ADAM18: variants seen among roughly 807,000 people sequenced by gnomAD.
The protein encoded by ADAM18 is ADAM metallopeptidase domain 18, also known as disintegrin and metalloproteinase domain-containing protein 18.
A neutral mutation model predicts 94.4 loss-of-function variants in ADAM18; 117 were observed. The observed-to-expected ratio is 1.24, with a 90% CI of 1.07 to 1.45. The LOEUF (loss-of-function observed/expected upper bound fraction) is 1.45. ADAM18 is among the 40% of genes most tolerant of loss of function. The pLI is 0.00. For missense variants in ADAM18, 936 were observed against 880.0 expected, an observed-to-expected ratio of 1.06 and a Z score of -0.81; for synonymous variants, 327 against 291.6, an observed-to-expected ratio of 1.12 and a Z score of -1.24.
At chr8:39,646,899 T>C (rs1214550125) in intron 11 of ADAM18, among the ~76,000 whole-genome samples, 1 of 151,926 alleles carries the variant, frequency 6.6e-6, no homozygotes, top group Non-Finnish European at 1.5e-5. Context: ...AGAAGGAGAA[T>C]GAAGAGGGGG....
chr8:39,613,224 C>T (rs1230596311), intron 6 of ADAM18, among the ~76,000 whole-genome samples: 4 of 152,296 alleles, frequency 2.6e-5, no homozygotes, highest in African/African-American at 9.6e-5. Context: ...TGACAGCACC[C>T]CCAAATGGAA....
chr8:39,722,831 G>C (rs913198333), intron 18 of ADAM18, among the ~76,000 whole-genome samples: 11 of 151,544 alleles, frequency 7.3e-5, no homozygotes, highest in Non-Finnish European at 1.5e-4. Flanking sequence ...AAGTTGGGGA[G>C]TTATGTTTCC....
At chr8:39,663,191 T>G (rs1264040098) in intron 12 of ADAM18, among the ~76,000 whole-genome samples, 1 of 151,808 alleles carries the variant, frequency 6.6e-6, no homozygotes, top group Non-Finnish European at 1.5e-5. Flanking sequence ...AACTTACGAG[T>G]TAATTATGAA....
intron 18 of ADAM18, among the ~76,000 whole-genome samples, chr8:39,717,772 C>A (rs1242165234): frequency 1.3e-5 from 2 of 151,506 alleles, no homozygotes; most frequent in Admixed American, 6.6e-5. Flanking sequence ...CAGAGTGAAA[C>A]CTATTGAGTG....
intron 19 of ADAM18, among the ~76,000 whole-genome samples, chr8:39,726,981 C>CT (rs1822932367): frequency 6.6e-6 from 1 of 152,126 alleles, no homozygotes; most frequent in Non-Finnish European, 1.5e-5. Context: ...ATGTGACATT[C>CT]TTTTACCAAA....
rs1818749485 is a variant in ADAM18 at position 39,596,676 on chromosome 8, T to C, written c.133-9631T>C. Among the ~76,000 whole-genome samples the C allele has an allele frequency of 2.0e-5, 3 of 152,176 alleles. No individual in the cohort carries two copies. In the South Asian group the frequency reaches 6.2e-4, roughly 31 times the overall value. On this transcript the variant is annotated intron_variant, in intron 2 of 19. Coordinates refer to ENST00000265707, the MANE Select transcript of ADAM18 (RefSeq NM_014237.3). ...TGTATGGACATAAGTTTTCAGCTCT[T>C]TTCAGTAAATACCAAGGAACACAAT...
At chr8:39,592,006 A>C (rs1026942687) in intron 2 of ADAM18, among the ~76,000 whole-genome samples, 9 of 152,190 alleles carry the variant, frequency 5.9e-5, no homozygotes, top group African/African-American at 2.2e-4. Flanking sequence ...AATATTTTGA[A>C]AATAATCTTT....
chr8:39,620,357 C>CAAAAAAA (rs61555393), intron 6 of ADAM18, among the ~76,000 whole-genome samples: 67 of 90,544 alleles, frequency 7.4e-4, no homozygotes, highest in African/African-American at 1.2e-3. Context: ...GCAACAAAAG[C>CAAAAAAA]AAAAAAAAAA....
chr8:39,640,242 C>T (rs1820199840), intron 10 of ADAM18, among the ~76,000 whole-genome samples: 2 of 152,122 alleles, frequency 1.3e-5, no homozygotes, highest in South Asian at 4.1e-4. Context: ...CATGTGTTCT[C>T]ATCATTCAGC....
intron 3 of ADAM18, 69 bp from the exon 4 acceptor site, chr8:39,608,973 G>A: frequency 2.3e-6 from 2 of 860,350 alleles, no homozygotes; most frequent in Non-Finnish European, 3.6e-6. Flanking sequence ...TAAAATGTAT[G>A]TAATATTTGT....
intron 12 of ADAM18, among the ~76,000 whole-genome samples, chr8:39,656,195 G>GA (rs201971418): frequency 2.3e-3 from 323 of 142,768 alleles, no homozygotes; most frequent in African/African-American, 7.0e-3. Context: ...AGGTGATCTT[G>GA]AAAAAAAAAA....
At chr8:39,651,463 C>T (rs988214409) in intron 12 of ADAM18, among the ~76,000 whole-genome samples, 3 of 152,218 alleles carry the variant, frequency 2.0e-5, no homozygotes, top group Admixed American at 6.5e-5. Context: ...GTCCCTGCGG[C>T]CTTCCGCAGT....
chr8:39,721,126 C>T lies in ADAM18; in HGVS notation c.2018-2622C>T, dbSNP rs562811520. ...ACAAAGTCAGAAAACAATGTGCATG[C>T]AGTATAATTCCATTTATATAACATT... is the stretch of plus-strand genomic sequence containing the variant. On this transcript the variant is annotated intron_variant, in intron 18 of 19. Coordinates refer to ENST00000265707, the MANE Select transcript of ADAM18 (RefSeq NM_014237.3). 5.9e-5 allele frequency among the ~76,000 whole-genome samples: 9 copies of T among 151,496 alleles called. No individual in the cohort carries two copies. The South Asian group carries it at 1.0e-3, about 17-fold the overall frequency.
intron 6 of ADAM18, among the ~76,000 whole-genome samples, chr8:39,613,772 A>G (rs1260362454): frequency 6.6e-6 from 1 of 152,236 alleles, no homozygotes; most frequent in Admixed American, 6.5e-5. Flanking sequence ...TAGCCATTTA[A>G]AGAAAGAATC....
At chr8:39,611,007 G>A in intron 6 of ADAM18, 4 of 1,123,770 alleles carry the variant, frequency 3.6e-6, no homozygotes, top group Non-Finnish European at 4.3e-6. Flanking sequence ...TAGTACCTTG[G>A]TAAAATTACT....
intron 10 of ADAM18, among the ~76,000 whole-genome samples, chr8:39,641,275 G>C (rs1269663231): frequency 6.6e-6 from 1 of 151,916 alleles, no homozygotes; most frequent in Non-Finnish European, 1.5e-5. Context: ...TTTCCCCACT[G>C]CTTGTTTTTG....
At chr8:39,637,006 G>A (rs866081986) in intron 7 of ADAM18, among the ~76,000 whole-genome samples, 4 of 130,948 alleles carry the variant, frequency 3.1e-5, no homozygotes, top group East Asian at 2.3e-4. Context: ...TAATATTTCC[G>A]CATGTGTGTA....
intron 11 of ADAM18, among the ~76,000 whole-genome samples, chr8:39,648,120 C>G (rs1007426371): frequency 6.6e-6 from 1 of 152,128 alleles, no homozygotes; most frequent in Non-Finnish European, 1.5e-5. Context: ...AACCACCATA[C>G]CTTATTGCAT....
At chr8:39,586,755 ACTATCTATCTAT>A (rs35604090) in intron 2 of ADAM18, among the ~76,000 whole-genome samples, 9,157 of 147,468 alleles carry the variant, frequency 0.062, 355 homozygotes, top group African/African-American at 0.1. Context: ...CAAACAAAAA[ACTATCTATCTAT>A]CTATCTATCT....
Sources: gnomAD v4.1 joint callset for allele counts (sites outside exome capture counted in the v4.1 genomes callset) on GRCh38, gnomAD v4.1.1 for gene constraint, MANE v1.5 for transcripts, NCBI Gene and HGNC (gene_info 2026-07-23, HGNC 2026-07-21) for gene names.